Variants in TRMT11 observed in about 807,000 individuals in gnomAD.
The protein encoded by TRMT11 is tRNA (guanine(10)-N(2))-methyltransferase TRMT11.
TRMT11 carries 53 observed loss-of-function variants against 62.8 expected under a neutral mutation model. The observed-to-expected ratio is 0.84, with a 90% confidence interval of 0.68 to 1.06. The LOEUF (loss-of-function observed/expected upper bound fraction) is 1.06, where lower values mean the gene tolerates loss of function less well. Ranked by LOEUF, TRMT11 falls within the 50% of genes least tolerant of loss-of-function variation. The pLI is 0.00. For synonymous variants in TRMT11, 188 were observed against 190.3 expected, an observed-to-expected ratio of 0.99 and a Z score of 0.10; for missense variants, 556 against 553.4, an observed-to-expected ratio of 1.00 and a Z score of -0.05.
the TRMT11 span, among the ~76,000 whole-genome samples, chr6:126,209,536 C>T: frequency 2.3e-4 from 34 of 150,982 alleles, no homozygotes; most frequent in Admixed American, 1.1e-3. Context: ...CTGCCTAACA[C>T]GGTGAAACCC....
chr6:126,114,097 CATGTCATGATGAAGGCATTGTTGCATGAA>C (rs1777562383), intron 18 of TRMT11, among the ~76,000 whole-genome samples: 1 of 152,090 alleles, frequency 6.6e-6, no homozygotes, highest in Admixed American at 6.6e-5. Context: ...GAGTGCATTT[CATGTCATGATGAAGGCATTGTTGCATGAA>C]ACTTGAATCA....
At chr6:126,038,194 T>C (rs913571178) in intron 12 of TRMT11, among the ~76,000 whole-genome samples, 5 of 152,066 alleles carry the variant, frequency 3.3e-5, no homozygotes, top group Non-Finnish European at 7.4e-5. Flanking sequence ...TCACTTAAAG[T>C]TTCCACGAAT....
chr6:126,109,908 A>C lies in TRMT11; in HGVS notation c.*1438-2958A>C, dbSNP rs145514286. 2.5e-4 allele frequency among the ~76,000 whole-genome samples: 38 copies of C among 152,272 alleles called. No individual in the cohort carries two copies. The East Asian group carries it at 7.0e-3, about 28-fold the overall frequency. ...GAACAAACCAGAAAATGGCAGAATT[A>C]TTGTACAAGACCAGGTCTGGGTTGG... is the stretch of plus-strand genomic sequence containing the variant. On this transcript the variant is annotated intron_variant and NMD_transcript_variant, in intron 17 of 22. Coordinates refer to the TRMT11 transcript ENST00000648977.
At chr6:126,219,160 G>C in the TRMT11 span, among the ~76,000 whole-genome samples, 1 of 152,132 alleles carries the variant, frequency 6.6e-6, no homozygotes, top group Non-Finnish European at 1.5e-5. Context: ...GTTAAAACTA[G>C]GTCCTGTGAT....
chr6:125,996,819 G>A lies in TRMT11; in HGVS notation c.212+779G>A, dbSNP rs371608328. On this transcript the variant is annotated intron_variant, in intron 3 of 12. Transcript: ENST00000334379. ...ATATCTAGTTTTATTAACATGGTTA[G>A]CGATGTTTTATATCATCATATGTAA... Among the ~76,000 whole-genome samples, 4 of 152,118 alleles carry A rather than the reference G, an allele frequency of 2.6e-5. No homozygotes were observed. In the East Asian group the frequency reaches 5.8e-4, roughly 22 times the overall value.
intron 21 of TRMT11, among the ~76,000 whole-genome samples, chr6:126,135,760 C>T (rs2128209989): frequency 6.6e-6 from 1 of 151,832 alleles, no homozygotes; most frequent in Admixed American, 6.6e-5. Context: ...AAACAGAATT[C>T]AACAACCCGT....
intron 12 of TRMT11, 90 bp downstream of exon 12, chr6:126,021,370 G>C: frequency 7.0e-7 from 1 of 1,428,934 alleles, no homozygotes; most frequent in Middle Eastern, 2.4e-4. Flanking sequence ...GTTTGGAAAT[G>C]TTATTCCTTG....
At position 126,121,770 on chromosome 6, in the gene TRMT11, G is replaced by A. The variant is rs1216864818; in HGVS notation, c.*1823+5915G>A. Among the ~76,000 whole-genome samples, 5 of 152,060 alleles carry A rather than the reference G, an allele frequency of 3.3e-5. No individual in the cohort carries two copies. In the South Asian group the frequency reaches 1.0e-3, roughly 32 times the overall value. ...AATTTATGTTCTCTTGGAAAGTCAG[G>A]GTTATATCCCCTAGACTTTGCAGGG... On this transcript the variant is annotated intron_variant and NMD_transcript_variant, in intron 21 of 22. Transcript: ENST00000648977.
At chr6:126,262,445 GT>G in the TRMT11 span, among the ~76,000 whole-genome samples, 1 of 152,280 alleles carries the variant, frequency 6.6e-6, no homozygotes, top group South Asian at 2.1e-4. Context: ...GGTAGCCACG[GT>G]TGTGGTACTA....
chr6:126,137,728 C>T (rs188802279), intron 21 of TRMT11, among the ~76,000 whole-genome samples: 1 of 151,998 alleles, frequency 6.6e-6, no homozygotes, highest in African/African-American at 2.4e-5. Context: ...AAGTGTCCAT[C>T]TACAGATGAA....
chr6:126,157,776 AAG>A (rs1230788237), intron 21 of TRMT11, among the ~76,000 whole-genome samples: 2 of 152,192 alleles, frequency 1.3e-5, no homozygotes, highest in Non-Finnish European at 2.9e-5. Context: ...GTTTGTTCAA[AAG>A]AGAGTTACTC....
At chr6:126,220,188 A>T in the TRMT11 span, among the ~76,000 whole-genome samples, 2 of 152,228 alleles carry the variant, frequency 1.3e-5, no homozygotes, top group Non-Finnish European at 2.9e-5. Flanking sequence ...TTGCCTAGCC[A>T]TGTCTAACTA....
downstream of TRMT11, among the ~76,000 whole-genome samples, chr6:126,041,314 T>C (rs537479618): frequency 1.3e-5 from 2 of 152,224 alleles, no homozygotes; most frequent in East Asian, 3.9e-4. Context: ...GTTTGAGACA[T>C]GGAAATAGCT....
upstream of TRMT11, among the ~76,000 whole-genome samples, chr6:126,173,596 G>A (rs1008205865): frequency 2.6e-5 from 4 of 152,190 alleles, no homozygotes; most frequent in Non-Finnish European, 5.9e-5. Context: ...CATATGGGAA[G>A]CCAACCCCAT....
At chr6:126,223,603 C>T in the TRMT11 span, among the ~76,000 whole-genome samples, 2 of 152,068 alleles carry the variant, frequency 1.3e-5, no homozygotes, top group South Asian at 2.1e-4. Flanking sequence ...TTTTCTCTCA[C>T]GTTGACCTTG....
intron 1 of TRMT11, among the ~76,000 whole-genome samples, chr6:125,988,354 G>A (rs543380802): frequency 6.6e-6 from 1 of 152,298 alleles, no homozygotes; most frequent in South Asian, 2.1e-4. Context: ...TAGAGCATAA[G>A]GGAAAGTAAG....
chr6:126,105,949 A>G (rs1007490193), intron 17 of TRMT11, among the ~76,000 whole-genome samples: 6 of 152,158 alleles, frequency 3.9e-5, no homozygotes, highest in African/African-American at 1.4e-4. Flanking sequence ...GGAAAAATCC[A>G]AAGTCGGGTT....
chr6:126,109,224 C>T (rs2083021018), intron 17 of TRMT11, among the ~76,000 whole-genome samples: 1 of 152,136 alleles, frequency 6.6e-6, no homozygotes, highest in African/African-American at 2.4e-5. Flanking sequence ...ACTTGTATTT[C>T]ACCAGTTGTC....
At chr6:126,232,923 A>G in the TRMT11 span, among the ~76,000 whole-genome samples, 2 of 152,122 alleles carry the variant, frequency 1.3e-5, no homozygotes, top group Admixed American at 6.5e-5. Flanking sequence ...TCCACATTAA[A>G]TGTTTCATTT....
Sources: gnomAD v4.1 joint callset for allele counts (sites outside exome capture counted in the v4.1 genomes callset) on GRCh38, gnomAD v4.1.1 for gene constraint, MANE v1.5 for transcripts, NCBI Gene and HGNC (gene_info 2026-07-23, HGNC 2026-07-21) for gene names.